ABCB10: variants seen among roughly 807,000 people sequenced by gnomAD.
The protein encoded by ABCB10 is ATP binding cassette subfamily B member 10.
In ABCB10, 54 loss-of-function variants were observed where a neutral mutation model predicts 65.4. The observed-to-expected ratio is 0.83, with a 90% CI of 0.66 to 1.04. The LOEUF is 1.04. Among genes scored for constraint, ABCB10 ranks in the 50% least tolerant of loss-of-function variants. ABCB10 has a pLI of 0.00. For missense variants in ABCB10, 846 were observed against 976.6 expected, an observed-to-expected ratio of 0.87 and a Z score of 1.78; for synonymous variants, 418 against 406.5, an observed-to-expected ratio of 1.03 and a Z score of -0.34.
chr1:229,531,669 G>C lies in ABCB10; in HGVS notation c.1402C>G (p.Leu468Val), dbSNP rs780698610. The change falls in exon 7 of 13, where the codon CTC becomes GTC. Residue 468 changes from leucine to valine, a missense_variant. This residue lies in a region of ABCB10 where 632 missense variants were observed against 803.2 expected (regional missense o/e 0.79). Transcript: ENST00000344517. ...GGCAGCTTGGGCTCTCTCTCCAGGA[G>C]CTCCCAGAGGCGCCCCCCTGCACCC... ...GLGAGGRLWE[L>V]LEREPKLPFN... is the part of the protein sequence containing the mutation. 6.2e-7 allele frequency: 1 copy of C among 1,613,768 alleles called. No homozygotes were observed. Among genetic ancestry groups the C allele is most frequent in the African/African-American group, 1.3e-5 (1 of 74,896 alleles).
At chr1:229,518,906 A>G (rs1662237452) in intron 11 of ABCB10, 31 bp from the exon 12 acceptor site, 5 of 1,531,752 alleles carry the variant, frequency 3.3e-6, no homozygotes, top group Middle Eastern at 2.1e-4. Context: ...AAAAGATAAA[A>G]TAATTTTATT....
intron 2 of ABCB10, among the ~76,000 whole-genome samples, chr1:229,548,460 G>A (rs991726909): frequency 4.6e-5 from 7 of 152,078 alleles, no homozygotes; most frequent in African/African-American, 1.2e-4. Flanking sequence ...AACAGACTTC[G>A]AGTTGGTGTC....
intron 8 of ABCB10, among the ~76,000 whole-genome samples, chr1:229,527,537 C>T: frequency 6.6e-6 from 1 of 152,238 alleles, no homozygotes; most frequent in East Asian, 1.9e-4. Flanking sequence ...ATGACTATCT[C>T]ACCGAGTCCA....
At chr1:229,523,064 A>T (rs1425329561) in intron 10 of ABCB10, among the ~76,000 whole-genome samples, 1 of 152,196 alleles carries the variant, frequency 6.6e-6, no homozygotes, top group African/African-American at 2.4e-5. Flanking sequence ...CCTCTAGAGG[A>T]AAAAATAGTA....
intron 8 of ABCB10, among the ~76,000 whole-genome samples, chr1:229,527,857 T>C (rs1039361055): frequency 2.6e-5 from 4 of 152,238 alleles, no homozygotes; most frequent in African/African-American, 9.6e-5. Context: ...CTAGAATCTA[T>C]TTTGTCATTC....
chr1:229,530,050 T>C, intron 8 of ABCB10, 149 bp downstream of exon 8: 1 of 800,654 alleles, frequency 1.2e-6, no homozygotes, highest in Non-Finnish European at 2.0e-6. Flanking sequence ...TGACACCTTC[T>C]GTTTGAGGGA....
chr1:229,546,105 G>C (rs934864428), intron 3 of ABCB10, among the ~76,000 whole-genome samples: 4 of 151,206 alleles, frequency 2.6e-5, no homozygotes, highest in African/African-American at 9.7e-5. Flanking sequence ...CCGGGAGGAG[G>C]AGGTTGCAGT....
chr1:229,538,007 G>T (rs1330341023), intron 6 of ABCB10, among the ~76,000 whole-genome samples: 2 of 152,104 alleles, frequency 1.3e-5, no homozygotes, highest in Non-Finnish European at 2.9e-5. Flanking sequence ...ATCCCTCCTC[G>T]CACCAGATGG....
At chr1:229,520,716 G>A (rs1311010035) in intron 11 of ABCB10, among the ~76,000 whole-genome samples, 1 of 152,178 alleles carries the variant, frequency 6.6e-6, no homozygotes, top group East Asian at 1.9e-4. Flanking sequence ...CTTAACAGTA[G>A]AAGGGAATAA....
At chr1:229,554,462 C>T (rs1282432912) in intron 1 of ABCB10, among the ~76,000 whole-genome samples, 5 of 152,056 alleles carry the variant, frequency 3.3e-5, no homozygotes, top group East Asian at 3.8e-4. Context: ...CAGGAGGGTT[C>T]GCCATGGACT....
intron 8 of ABCB10, among the ~76,000 whole-genome samples, chr1:229,528,392 C>T (rs1662493152): frequency 1.3e-5 from 2 of 151,954 alleles, no homozygotes; most frequent in Admixed American, 6.6e-5. Flanking sequence ...CTCAAACTCC[C>T]GGGCTCAAGC....
In ABCB10 at chr1:229,527,212, G is replaced by A; in HGVS notation, c.1725+17C>T. On this transcript the variant is annotated intron_variant, in intron 9 of 12. Coordinates refer to ENST00000344517, the MANE Select transcript of ABCB10 (RefSeq NM_012089.3). Reference sequence around the variant, plus strand: ...TTTAAAAGAAAGTGAAATAGAAATGGAAGCCTCTCTTCTTACCTGACTCAC... The same window carrying A: ...TTTAAAAGAAAGTGAAATAGAAATGAAAGCCTCTCTTCTTACCTGACTCAC... 6.3e-7 allele frequency: 1 copy of A among 1,590,030 alleles called. No homozygotes were observed. The highest frequency in any genetic ancestry group is 1.1e-5 in the South Asian group (1 of 86,976).
intron 11 of ABCB10, 99 bp downstream of exon 11, chr1:229,521,493 A>C: frequency 7.0e-7 from 1 of 1,435,008 alleles, no homozygotes; most frequent in Admixed American, 2.2e-5. Flanking sequence ...AAAACAAAAA[A>C]CAGGAAAAGG....
chr1:229,518,323 A>C lies in ABCB10; in HGVS notation c.2073T>G (p.Arg691=), dbSNP rs756498385. Residue 691 remains arginine, a synonymous_variant, in exon 13 of 13, where the codon CGT becomes CGG. Coordinates refer to ENST00000344517, the MANE Select transcript of ABCB10 (RefSeq NM_012089.3). ...TATTAGCATTCTTAATGGTGGACAG[A>C]CGATGGGCAATAACTAACACCGTTC... The part of the protein sequence containing the change: ...DGRTVLVIAH[R]LSTIKNANMV... The C allele has an allele frequency of 6.2e-7, 1 of 1,614,226 alleles. No individual in the cohort carries two copies. Among genetic ancestry groups the C allele is most frequent in the Non-Finnish European group, 8.5e-7 (1 of 1,180,048 alleles).
At chr1:229,528,498 C>A (rs962868928) in intron 8 of ABCB10, among the ~76,000 whole-genome samples, 1 of 151,748 alleles carries the variant, frequency 6.6e-6, no homozygotes, top group Non-Finnish European at 1.5e-5. Flanking sequence ...AATTTTATAG[C>A]AAGTGAATGG....
At chr1:229,555,364 G>A (rs1047919542) in intron 1 of ABCB10, among the ~76,000 whole-genome samples, 23 of 152,348 alleles carry the variant, frequency 1.5e-4, no homozygotes, top group African/African-American at 4.3e-4. Context: ...AAAGTGATAC[G>A]ATGGAGAATT....
At chr1:229,539,627 A>G in intron 5 of ABCB10, 36 bp from the exon 6 acceptor site, 4 of 1,601,170 alleles carry the variant, frequency 2.5e-6, no homozygotes, top group South Asian at 2.2e-5. Context: ...TCAGGTGGGA[A>G]TCAAGGACCC....
In ABCB10 at chr1:229,542,349, G is replaced by A; in HGVS notation, c.944C>T (p.Ala315Val). 1 of 1,613,762 alleles carries A rather than the reference G, an allele frequency of 6.2e-7. No individual in the cohort carries two copies. The highest frequency in any genetic ancestry group is 8.5e-7 in the Non-Finnish European group (1 of 1,179,912). ...AGGCACCACGCTCAAAACAAAGGTGGCCAGATTAGGTGAGACAAAAAACTG... is the reference window on the plus strand; with the variant it reads ...AGGCACCACGCTCAAAACAAAGGTGACCAGATTAGGTGAGACAAAAAACTG... ...SMMFFVSPNL[A>V]TFVLSVVPPV... The change falls in exon 4 of 13, where the codon GCC becomes GTC. Residue 315 changes from alanine to valine, a missense_variant. Ala to Val is a moderately conservative substitution (Grantham distance 64). Coordinates refer to ENST00000344517, the MANE Select transcript of ABCB10 (RefSeq NM_012089.3).
chr1:229,554,276 AG>A (rs1444664291), intron 1 of ABCB10, among the ~76,000 whole-genome samples: 1 of 152,192 alleles, frequency 6.6e-6, no homozygotes, highest in Non-Finnish European at 1.5e-5. Flanking sequence ...AAGGGAGTAG[AG>A]GAAGAAGCCA....
Sources: gnomAD v4.1 joint callset for allele counts (sites outside exome capture counted in the v4.1 genomes callset) on GRCh38, gnomAD v4.1.1 for gene constraint, gnomAD v4.1.1 regional missense constraint, MANE v1.5 for transcripts, NCBI Gene and HGNC (gene_info 2026-07-23, HGNC 2026-07-21) for gene names.